The following LRRC1 variants were observed in gnomAD, a reference collection of about 807,000 sequenced individuals.
The protein encoded by LRRC1 is leucine rich repeat containing 1.
A neutral mutation model predicts 69.9 loss-of-function variants in LRRC1; 28 were observed. The observed-to-expected ratio is 0.40, with a 90% CI of 0.30 to 0.55. The LOEUF is 0.55. LRRC1 is among the 20% of genes least tolerant of loss of function. LRRC1 has a pLI of 0.47. For missense variants in LRRC1, 498 were observed against 609.0 expected, an observed-to-expected ratio of 0.82 and a Z score of 1.92; for synonymous variants, 236 against 240.2, an observed-to-expected ratio of 0.98 and a Z score of 0.16.
At chr6:53,852,277 C>T (rs182237716) in intron 2 of LRRC1, among the ~76,000 whole-genome samples, 9 of 152,068 alleles carry the variant, frequency 5.9e-5, no homozygotes, top group Admixed American at 2.6e-4. Context: ...ATGAACACTC[C>T]GTATAGATGC....
chr6:53,813,864 T>C (rs1320962450), intron 1 of LRRC1, among the ~76,000 whole-genome samples: 1 of 152,140 alleles, frequency 6.6e-6, no homozygotes, highest in Non-Finnish European at 1.5e-5. Context: ...ACTAAGTAAG[T>C]AGCTAAATTA....
intron 2 of LRRC1, among the ~76,000 whole-genome samples, chr6:53,855,130 GA>G (rs1392263863): frequency 1.3e-5 from 2 of 152,198 alleles, no homozygotes; most frequent in African/African-American, 2.4e-5. Flanking sequence ...GGTACAGAGG[GA>G]AAGAATGTGG....
chr6:53,829,309 G>A (rs1382287490), intron 1 of LRRC1, among the ~76,000 whole-genome samples: 1 of 152,206 alleles, frequency 6.6e-6, no homozygotes, highest in Non-Finnish European at 1.5e-5. Context: ...GATTAAATGA[G>A]ATTATGTATG....
chr6:53,807,619 C>G (rs1489029708), intron 1 of LRRC1, among the ~76,000 whole-genome samples: 1 of 152,124 alleles, frequency 6.6e-6, no homozygotes, highest in Non-Finnish European at 1.5e-5. Flanking sequence ...GTGGCGCATG[C>G]CTGTAATCCC....
intron 2 of LRRC1, among the ~76,000 whole-genome samples, chr6:53,861,799 C>T (rs1259318532): frequency 2.6e-5 from 4 of 152,088 alleles, no homozygotes; most frequent in Admixed American, 1.3e-4. Flanking sequence ...CAGCCTGTGG[C>T]TGAGTCTCTA....
chr6:53,839,245 G>T (rs147189127), intron 1 of LRRC1, among the ~76,000 whole-genome samples: 237 of 152,074 alleles, frequency 1.6e-3, no homozygotes, highest in African/African-American at 5.4e-3. Context: ...GACTTGAAAA[G>T]ATTTTTTCTT....
intron 4 of LRRC1, among the ~76,000 whole-genome samples, chr6:53,890,526 G>A (rs1353806632): frequency 1.3e-5 from 2 of 152,178 alleles, no homozygotes; most frequent in Non-Finnish European, 2.9e-5. Flanking sequence ...GTGCTAGGCA[G>A]CTTACCTATA....
chr6:53,833,233 C>T (rs1765481032), intron 1 of LRRC1, among the ~76,000 whole-genome samples: 1 of 152,206 alleles, frequency 6.6e-6, no homozygotes, highest in African/African-American at 2.4e-5. Context: ...AGCTTCTTTT[C>T]TCCAAGTGAT....
chr6:53,852,174 G>C (rs1182715794), intron 2 of LRRC1, among the ~76,000 whole-genome samples: 1 of 152,158 alleles, frequency 6.6e-6, no homozygotes, highest in Admixed American at 6.5e-5. Context: ...ACTCTTAAAA[G>C]AGGCTGTGCA....
chr6:53,840,502 T>C (rs1310816411), intron 1 of LRRC1, among the ~76,000 whole-genome samples: 3 of 152,092 alleles, frequency 2.0e-5, no homozygotes, highest in African/African-American at 7.2e-5. Flanking sequence ...TGGTGGGCCC[T>C]CTCAAACCAG....
At chr6:53,831,240 G>A (rs986388272) in intron 1 of LRRC1, among the ~76,000 whole-genome samples, 1 of 151,972 alleles carries the variant, frequency 6.6e-6, no homozygotes, top group African/African-American at 2.4e-5. Context: ...TGAACAAACG[G>A]CATTACATAG....
chr6:53,833,062 C>T (rs1440094331), intron 1 of LRRC1, among the ~76,000 whole-genome samples: 6 of 152,192 alleles, frequency 3.9e-5, no homozygotes, highest in South Asian at 2.1e-4. Flanking sequence ...TTTCTCTCCT[C>T]ATAGTTGATC....
At chr6:53,836,711 A>G (rs1266746539) in intron 1 of LRRC1, among the ~76,000 whole-genome samples, 3 of 152,244 alleles carry the variant, frequency 2.0e-5, no homozygotes, top group South Asian at 2.1e-4. Flanking sequence ...GCTTACAGCA[A>G]ATTATAAAGT....
intron 1 of LRRC1, among the ~76,000 whole-genome samples, chr6:53,809,741 C>A (rs996357140): frequency 4.6e-5 from 7 of 152,120 alleles, no homozygotes; most frequent in African/African-American, 1.4e-4. Context: ...GGTAGTTTCC[C>A]CTTAGTGGAG....
chr6:53,875,452 GTA>G (rs1246792401), intron 2 of LRRC1, among the ~76,000 whole-genome samples: 2 of 151,904 alleles, frequency 1.3e-5, no homozygotes, highest in South Asian at 2.1e-4. Flanking sequence ...TATTCTGTGT[GTA>G]TATGTGTGTG....
intron 1 of LRRC1, among the ~76,000 whole-genome samples, chr6:53,801,678 A>G (rs1021402096): frequency 8.5e-5 from 13 of 152,132 alleles, no homozygotes; most frequent in African/African-American, 2.7e-4. Flanking sequence ...TGAGACCTAG[A>G]GAAGTTGTCA....
rs181627169 is a variant in LRRC1 at position 53,886,887 on chromosome 6, A to G, written c.446+3911A>G. ...TTCATTGTTTAATTTTATGTATATA[A>G]CTGGTGTATGTACTGGGATCAGCTT... On this transcript the variant is annotated intron_variant, in intron 4 of 13. Transcript: ENST00000370888. Among the ~76,000 whole-genome samples the G allele has an allele frequency of 2.6e-3, 392 of 152,274 alleles. 1 individual carries two copies. The highest frequency in any genetic ancestry group is 8.7e-3 in the African/African-American group (363 of 41,550).
chr6:53,863,553 CTT>C (rs1278664177), intron 2 of LRRC1, among the ~76,000 whole-genome samples: 1 of 152,198 alleles, frequency 6.6e-6, no homozygotes, highest in Admixed American at 6.5e-5. Flanking sequence ...TGAAGAAGGA[CTT>C]TGTTTGTCTT....
chr6:53,892,202 C>T (rs1425849401), intron 4 of LRRC1, among the ~76,000 whole-genome samples: 1 of 151,976 alleles, frequency 6.6e-6, no homozygotes, highest in Non-Finnish European at 1.5e-5. Flanking sequence ...TTTTGTGAGA[C>T]CTTGTTCAAG....
Sources: allele counts gnomAD v4.1 joint callset (sites outside exome capture counted in the v4.1 genomes callset), GRCh38; gene constraint gnomAD v4.1.1; transcripts MANE v1.5; gene names NCBI Gene and HGNC (gene_info 2026-07-23, HGNC 2026-07-21).